The following RAP1GAP2 variants were observed in gnomAD, a reference collection of about 807,000 sequenced individuals.
RAP1GAP2 encodes the protein RAP1 GTPase activating protein 2, also known as rap1 GTPase-activating protein 2.
In RAP1GAP2, 27 loss-of-function variants were observed where a neutral mutation model predicts 95.0. The ratio of observed to expected loss-of-function variants is 0.28; its 90% confidence interval spans 0.21 to 0.39. The LOEUF (loss-of-function observed/expected upper bound fraction) is 0.39, where lower values mean the gene tolerates loss of function less well. Ranked by LOEUF, RAP1GAP2 falls within the 10% of genes least tolerant of loss-of-function variation. RAP1GAP2 has a pLI of 1.00. For synonymous variants in RAP1GAP2, 373 were observed against 380.9 expected (o/e 0.98, Z 0.24); for missense variants, 771 against 970.0 (o/e 0.79, Z 2.72).
At chr17:2,790,654 C>T (rs574989487) in intron 1 of RAP1GAP2, among the ~76,000 whole-genome samples, 2 of 152,330 alleles carry the variant, frequency 1.3e-5, no homozygotes, top group East Asian at 1.9e-4. Context: ...CTGCTTCACT[C>T]GGGACATCTG....
intron 3 of RAP1GAP2, among the ~76,000 whole-genome samples, chr17:2,925,261 A>G (rs1205912360): frequency 6.6e-6 from 1 of 152,238 alleles, no homozygotes; most frequent in Admixed American, 6.5e-5. Flanking sequence ...CCATTCGCAC[A>G]CTGCTGTAAA....
At position 3,034,836 on chromosome 17, in the gene RAP1GAP2, C is replaced by A. The variant is rs1410385018; in HGVS notation, c.*1475C>A. 6.6e-6 allele frequency: 1 copy of A among 152,330 alleles called. No individual in the cohort carries two copies. The highest frequency in any genetic ancestry group is 1.5e-5 in the Non-Finnish European group (1 of 68,124). The allele number at this position is 152,330 out of a possible 1,614,324, so 9.4% of individuals were successfully genotyped here. ...TGGGCATCCTCCAGGTACAACGAGC[C>A]TGAAGAGCCCCTTTCAGTGCAGACG... On this transcript the variant is annotated 3_prime_UTR_variant, in exon 25 of 25. Coordinates refer to ENST00000254695, the MANE Select transcript of RAP1GAP2 (RefSeq NM_015085.5). This position sits in a 1 kb window ranked among gnomAD's most constrained non-coding sequence, Gnocchi z 5.1.
At chr17:2,911,462 GC>G (rs1162188207) in intron 3 of RAP1GAP2, among the ~76,000 whole-genome samples, 2 of 151,724 alleles carry the variant, frequency 1.3e-5, no homozygotes, top group African/African-American at 4.8e-5. Context: ...TGATTTTCAT[GC>G]CCCAATGGAT....
At chr17:2,984,706 G>T (rs567054808) in intron 10 of RAP1GAP2, among the ~76,000 whole-genome samples, 1 of 152,298 alleles carries the variant, frequency 6.6e-6, no homozygotes, top group East Asian at 1.9e-4. Flanking sequence ...GGACACATGT[G>T]CCCGAGCCTT....
chr17:2,870,145 T>G lies in RAP1GAP2; in HGVS notation c.81-35139T>G. ...TTTTTTTTTTTTTTTGGAGATGGAG[T>G]CTCGCACTGTCACCCGGGCTGGAAT... On this transcript the variant is annotated intron_variant, in intron 2 of 24. Transcript: ENST00000254695. This position sits in a 1 kb window ranked among gnomAD's most constrained non-coding sequence, Gnocchi z 4.4. Among the ~76,000 whole-genome samples, 1 of 147,736 alleles carries G rather than the reference T, an allele frequency of 6.8e-6. No homozygotes were observed.
Position 2,946,381 on chromosome 17 carries a change from A to G in RAP1GAP2, c.166-11378A>G, listed in dbSNP as rs544066136. On this transcript the variant is annotated intron_variant, in intron 3 of 24. Transcript: ENST00000254695. ...CTGTAAGTGTTTGGTCGGCTTCACT[A>G]TGAAGCCATCTGGCCCTGGACTGTT... Among the ~76,000 whole-genome samples, 90 of 152,290 alleles carry G rather than the reference A, an allele frequency of 5.9e-4. 1 individual carries two copies. Among genetic ancestry groups the G allele is most frequent in the Non-Finnish European group, 1.8e-4 (12 of 68,032 alleles).
chr17:2,984,317 C>T (rs8081091), intron 10 of RAP1GAP2, among the ~76,000 whole-genome samples: 5,355 of 152,204 alleles, frequency 0.035, 235 homozygotes, highest in African/African-American at 0.11. Flanking sequence ...CATTGCACTC[C>T]AGCCTGGGTG....
At chr17:2,780,132 C>A (rs1435328435) in intron 1 of RAP1GAP2, among the ~76,000 whole-genome samples, 2 of 152,174 alleles carry the variant, frequency 1.3e-5, no homozygotes, top group Non-Finnish European at 2.9e-5. Context: ...CTCACCGCAA[C>A]CTCCGCCTCC....
At chr17:2,802,880 T>A (rs139050613) in intron 2 of RAP1GAP2, among the ~76,000 whole-genome samples, 2 of 152,252 alleles carry the variant, frequency 1.3e-5, no homozygotes, top group African/African-American at 4.8e-5. Flanking sequence ...TCTGGAGGTG[T>A]CAGGGCAAGT....
chr17:2,889,890 T>TATATATATA (rs1491260344), intron 2 of RAP1GAP2, among the ~76,000 whole-genome samples: 83 of 29,620 alleles, frequency 2.8e-3, no homozygotes, highest in Non-Finnish European at 3.7e-3. Flanking sequence ...TATATATATA[T>TATATATATA]TTTTTTTTTT....
chr17:2,998,767 CGCTGTG>C (rs1567875917), intron 14 of RAP1GAP2, among the ~76,000 whole-genome samples: 7 of 149,940 alleles, frequency 4.7e-5, no homozygotes, highest in East Asian at 2.0e-4. Flanking sequence ...GCCATTTGCT[CGCTGTG>C]AGTGTAGTAT....
chr17:2,901,624 G>A (rs935086643), intron 2 of RAP1GAP2, among the ~76,000 whole-genome samples: 1 of 152,132 alleles, frequency 6.6e-6, no homozygotes, highest in Non-Finnish European at 1.5e-5. Context: ...GCACATTCAA[G>A]GTTATCCCTT....
chr17:2,814,486 C>T (rs529189560), intron 2 of RAP1GAP2, among the ~76,000 whole-genome samples: 93 of 152,290 alleles, frequency 6.1e-4, no homozygotes, highest in African/African-American at 2.2e-3. Context: ...CCTTCCCCAT[C>T]GGCATGGAAG....
At chr17:2,767,291 G>A (rs184488166) in intron 1 of RAP1GAP2, among the ~76,000 whole-genome samples, 5 of 147,432 alleles carry the variant, frequency 3.4e-5, no homozygotes, top group East Asian at 4.1e-4. Flanking sequence ...GAACCCGGGC[G>A]GCAGAGGTTG....
intron 1 of RAP1GAP2, among the ~76,000 whole-genome samples, chr17:2,767,359 TAAAAAAAAAAAAAAA>T (rs397857982): frequency 4.1e-4 from 22 of 53,730 alleles, no homozygotes; most frequent in Admixed American, 6.1e-4. Context: ...GAGACTCTGT[TAAAAAAAAAAAAAAA>T]AAAAAAAAAA....
chr17:2,953,104 A>G (rs115171314), intron 3 of RAP1GAP2, among the ~76,000 whole-genome samples: 2,093 of 151,904 alleles, frequency 0.014, 47 homozygotes, highest in African/African-American at 0.048. Context: ...CCACTGCACC[A>G]GACCCCTCAT....
At chr17:2,869,395 T>G (rs1313562458) in intron 2 of RAP1GAP2, among the ~76,000 whole-genome samples, 1 of 151,770 alleles carries the variant, frequency 6.6e-6, no homozygotes, top group Non-Finnish European at 1.5e-5. Context: ...TGTACAACGA[T>G]GTAAATGCCA....
At chr17:2,826,744 A>C (rs1332795374) in intron 2 of RAP1GAP2, among the ~76,000 whole-genome samples, 3 of 152,164 alleles carry the variant, frequency 2.0e-5, no homozygotes, top group Non-Finnish European at 4.4e-5. Context: ...GCGGTGGCTC[A>C]CGCCTGTAAT....
At chr17:2,769,447 C>G (rs1482915469) in intron 1 of RAP1GAP2, among the ~76,000 whole-genome samples, 3 of 150,452 alleles carry the variant, frequency 2.0e-5, no homozygotes, top group Non-Finnish European at 3.0e-5. Context: ...CCCAGCTACT[C>G]GGGAGGCTGA....
Sources: allele counts gnomAD v4.1 joint callset (sites outside exome capture counted in the v4.1 genomes callset), GRCh38; gene constraint gnomAD v4.1.1; non-coding constraint Gnocchi (gnomAD v3.1); transcripts MANE v1.5; gene names NCBI Gene and HGNC (gene_info 2026-07-23, HGNC 2026-07-21).